The following FHIT variants were observed in gnomAD, a reference collection of about 807,000 sequenced individuals.
The protein encoded by FHIT is fragile histidine triad diadenosine triphosphatase.
FHIT carries 19 observed loss-of-function variants against 17.9 expected under a neutral mutation model. The ratio of observed to expected loss-of-function variants is 1.06; its 90% CI spans 0.74 to 1.56. FHIT has a LOEUF of 1.56. Ranked by LOEUF, FHIT falls within the 40% of genes most tolerant of loss-of-function variation. The pLI is 0.00. For missense variants in FHIT, 248 were observed against 189.2 expected, an observed-to-expected ratio of 1.31 and a Z score of -1.82; for synonymous variants, 81 against 69.7, an observed-to-expected ratio of 1.16 and a Z score of -0.81.
chr3:60,391,932 TC>T (rs1701248629), intron 5 of FHIT, among the ~76,000 whole-genome samples: 3 of 151,846 alleles, frequency 2.0e-5, no homozygotes, highest in Non-Finnish European at 2.9e-5. Flanking sequence ...GTTTCTTTCT[TC>T]TTTTTTTCTT....
intron 5 of FHIT, among the ~76,000 whole-genome samples, chr3:60,241,604 G>A (rs993824189): frequency 6.6e-6 from 1 of 152,086 alleles, no homozygotes; most frequent in Non-Finnish European, 1.5e-5. Context: ...TGGGGATAGA[G>A]GCAAAGAGAG....
chr3:60,733,379 T>C (rs1553711806), intron 4 of FHIT, among the ~76,000 whole-genome samples: 2 of 152,256 alleles, frequency 1.3e-5, no homozygotes, highest in African/African-American at 4.8e-5. Flanking sequence ...TGTTCCAATA[T>C]ATTTTATTTC....
At chr3:60,928,251 G>T (rs771985779) in intron 3 of FHIT, among the ~76,000 whole-genome samples, 9 of 148,674 alleles carry the variant, frequency 6.1e-5, no homozygotes, top group Non-Finnish European at 1.2e-4. Flanking sequence ...CTCCACTATT[G>T]TCCTATGACC....
chr3:61,082,007 A>G (rs2035153772), intron 2 of FHIT, among the ~76,000 whole-genome samples: 1 of 151,792 alleles, frequency 6.6e-6, no homozygotes, highest in African/African-American at 2.4e-5. Context: ...ATCCCATACA[A>G]TTGTCTCACC....
At chr3:60,638,882 G>A (rs1281650189) in intron 4 of FHIT, among the ~76,000 whole-genome samples, 1 of 151,432 alleles carries the variant, frequency 6.6e-6, no homozygotes, top group Admixed American at 6.6e-5. Flanking sequence ...TGGTGTGTTG[G>A]GGGTGGGAAT....
At chr3:60,330,654 T>C (rs1709922544) in intron 5 of FHIT, among the ~76,000 whole-genome samples, 1 of 152,210 alleles carries the variant, frequency 6.6e-6, no homozygotes, top group South Asian at 2.1e-4. Flanking sequence ...AGGAAATAAT[T>C]GGACAAATGC....
intron 4 of FHIT, among the ~76,000 whole-genome samples, chr3:60,608,142 A>G (rs974125028): frequency 1.1e-4 from 16 of 152,162 alleles, no homozygotes; most frequent in Non-Finnish European, 1.8e-4. Flanking sequence ...CTGCTCACGC[A>G]GAGGACAAGA....
intron 5 of FHIT, among the ~76,000 whole-genome samples, chr3:60,031,262 C>CA (rs1700988193): frequency 1.3e-5 from 2 of 152,168 alleles, no homozygotes. Context: ...AGTTTTCTGT[C>CA]AACCTGGGAG....
chr3:60,486,308 A>T (rs2033837720), intron 5 of FHIT, among the ~76,000 whole-genome samples: 1 of 152,194 alleles, frequency 6.6e-6, no homozygotes, highest in African/African-American at 2.4e-5. Context: ...ATCAAGCCAT[A>T]TGTCAGATGT....
intron 4 of FHIT, among the ~76,000 whole-genome samples, chr3:60,619,992 G>T (rs1223797989): frequency 1.3e-5 from 2 of 151,900 alleles, no homozygotes; most frequent in African/African-American, 2.4e-5. Flanking sequence ...TTAAAAATGG[G>T]CAAAAGACTT....
chr3:60,191,495 T>G (rs1367429693), intron 5 of FHIT, among the ~76,000 whole-genome samples: 1 of 152,214 alleles, frequency 6.6e-6, no homozygotes, highest in Non-Finnish European at 1.5e-5. Flanking sequence ...CAGTGTACAT[T>G]GCTCACATAC....
At chr3:60,636,053 T>C (rs1322704691) in intron 4 of FHIT, among the ~76,000 whole-genome samples, 3 of 150,926 alleles carry the variant, frequency 2.0e-5, no homozygotes, top group African/African-American at 7.3e-5. Context: ...GCAGAATCAA[T>C]TAAGCTTTGT....
chr3:59,779,021 C>T (rs1377239599), intron 8 of FHIT, among the ~76,000 whole-genome samples: 1 of 152,138 alleles, frequency 6.6e-6, no homozygotes, highest in East Asian at 1.9e-4. Context: ...GCCCTTATTC[C>T]ACTGTTAGAA....
chr3:60,172,279 C>G (rs1191000223), intron 5 of FHIT, among the ~76,000 whole-genome samples: 1 of 151,802 alleles, frequency 6.6e-6, no homozygotes, highest in Admixed American at 6.6e-5. Context: ...TGTTTGTTTG[C>G]TTTGAGATGG....
chr3:60,570,162 G>GCTGCA (rs1173830520), intron 4 of FHIT, among the ~76,000 whole-genome samples: 1 of 152,084 alleles, frequency 6.6e-6, no homozygotes, highest in African/African-American at 2.4e-5. Flanking sequence ...GGGAAGCCAT[G>GCTGCA]CTGCACTGGA....
intron 8 of FHIT, among the ~76,000 whole-genome samples, chr3:59,874,407 G>C (rs1040545301): frequency 2.6e-5 from 4 of 152,196 alleles, no homozygotes; most frequent in Admixed American, 2.6e-4. Flanking sequence ...GAATTCCCTG[G>C]AGTGCTTGCT....
intron 4 of FHIT, among the ~76,000 whole-genome samples, chr3:60,636,155 C>G (rs2003793): frequency 0.22 from 33,836 of 151,846 alleles, 4,082 homozygotes; most frequent in Admixed American, 0.28. Flanking sequence ...ACTGCAACCT[C>G]CACCTCTCAG....
chr3:60,006,484 T>G (rs1408068147), intron 7 of FHIT, among the ~76,000 whole-genome samples: 1 of 151,960 alleles, frequency 6.6e-6, no homozygotes, highest in African/African-American at 2.4e-5. Context: ...ATGTACGAGG[T>G]CCAAGGGCCA....
At chr3:60,494,034 C>G (rs138195965) in intron 5 of FHIT, among the ~76,000 whole-genome samples, 1 of 152,150 alleles carries the variant, frequency 6.6e-6, no homozygotes, top group African/African-American at 2.4e-5. Context: ...GACATATACT[C>G]AAATACATAA....
Sources: allele counts gnomAD v4.1 joint callset (sites outside exome capture counted in the v4.1 genomes callset), GRCh38; gene constraint gnomAD v4.1.1; transcripts MANE v1.5; gene names NCBI Gene and HGNC (gene_info 2026-07-23, HGNC 2026-07-21).